The following KLHDC8A variants were observed in gnomAD, a reference collection of about 807,000 sequenced individuals.
The protein encoded by KLHDC8A is kelch domain-containing protein 8A.
Under a neutral mutation model 33.1 loss-of-function variants are expected in KLHDC8A, and 21 were observed. That is an observed-to-expected ratio of 0.64 (90% CI 0.45 to 0.91). The LOEUF (loss-of-function observed/expected upper bound fraction) is 0.91. Ranked by LOEUF, KLHDC8A falls within the 40% of genes least tolerant of loss-of-function variation. KLHDC8A has a pLI of 0.00. For synonymous variants in KLHDC8A, 173 were observed against 193.5 expected, an observed-to-expected ratio of 0.89 and a Z score of 0.88; for missense variants, 435 against 483.3, an observed-to-expected ratio of 0.90 and a Z score of 0.94.
chr1:205,351,484 G>C, intron 1 of KLHDC8A: 2 of 778,024 alleles, frequency 2.6e-6, no homozygotes, highest in South Asian at 2.7e-5. Context: ...ATAAATAATG[G>C]CTGGTCAGCA....
chr1:205,344,691 G>C (rs1191171444), intron 1 of KLHDC8A, among the ~76,000 whole-genome samples: 2 of 152,162 alleles, frequency 1.3e-5, no homozygotes, highest in Non-Finnish European at 2.9e-5. Context: ...AACAACTTAT[G>C]TGGGTGTGAT....
rs547594383 is a variant in KLHDC8A, at chr1:205,339,389, C to T, written c.562G>A (p.Ala188Thr). Residue 188 changes from alanine (A) to threonine (T), a missense_variant, in exon 4 of 6, where the codon GCG becomes ACG. Coordinates refer to ENST00000367155, the MANE Select transcript of KLHDC8A (RefSeq NM_018203.3). The surrounding 1 kb of genome is among the most constrained non-coding windows in gnomAD (Gnocchi z 5.1). ...YVLGGRQSKY[A>T]VNAFEVFDIE... The stretch of plus-strand genomic sequence containing the variant: ...TCAAAGACCTCGAAAGCGTTGACCG[C>T]GTACTTGGACTGTCGTCCCCCTGGG... 1.4e-5 allele frequency: 22 copies of T among 1,613,798 alleles called. No individual in the cohort carries two copies. The African/African-American group carries it at 1.7e-4, about 13-fold the overall frequency.
chr1:205,345,944 C>G (rs888899894), intron 1 of KLHDC8A, among the ~76,000 whole-genome samples: 3 of 152,138 alleles, frequency 2.0e-5, no homozygotes, highest in African/African-American at 7.2e-5. Context: ...TGCCGTGATG[C>G]ATGCCTGTAA....
Position 205,337,368 on chromosome 1 carries a change from TC to T in KLHDC8A, c.*30del. ...TCATGTTAAGAGTGAAGTGATATGG[TC>T]CAGGGCAAAGGTACTGAGCCCAGAG... On this transcript the variant is annotated 3_prime_UTR_variant, in exon 6 of 6. Coordinates refer to ENST00000367155, the MANE Select transcript of KLHDC8A (RefSeq NM_018203.3). The T allele has an allele frequency of 6.4e-7, 1 of 1,553,878 alleles. No homozygotes were observed. The highest frequency in any genetic ancestry group is 8.9e-7 in the Non-Finnish European group (1 of 1,127,146).
At chr1:205,341,720 G>T (rs1047701659) in intron 2 of KLHDC8A, among the ~76,000 whole-genome samples, 1 of 151,764 alleles carries the variant, frequency 6.6e-6, no homozygotes. Context: ...GCGCGATCTC[G>T]GCTCACTGCA....
intron 1 of KLHDC8A, among the ~76,000 whole-genome samples, chr1:205,345,341 A>G (rs932131183): frequency 7.9e-5 from 12 of 152,238 alleles, no homozygotes; most frequent in African/African-American, 2.9e-4. Context: ...TGCAGCTGTA[A>G]GAAAAAATAC....
rs1662836889 is a variant in KLHDC8A at position 205,343,230 on chromosome 1, T to C, written c.375A>G (p.Lys125=). 2.5e-6 allele frequency: 4 copies of C among 1,583,650 alleles called. No homozygotes were observed. The highest frequency in any genetic ancestry group is 2.6e-6 in the Non-Finnish European group (3 of 1,160,006). The change falls in exon 2 of 6, where the codon AAA becomes AAG. Residue 125 remains lysine, a splice_region_variant and synonymous_variant. Coordinates refer to ENST00000367155, the MANE Select transcript of KLHDC8A (RefSeq NM_018203.3). ...GCCCTCAGCCCTGGCCCCACTTGCC[T>C]TTGGCCGTGACAGAAATGCCCATGG... ...EAAMGISVTA[K]DYRVYAAGGM...
Position 205,347,136 on chromosome 1 carries a change from C to G in KLHDC8A, c.-189-3343G>C. On this transcript the variant is annotated intron_variant, in intron 1 of 5. Coordinates refer to ENST00000367155, the MANE Select transcript of KLHDC8A (RefSeq NM_018203.3). ...CTCTCCGCCAGGTAACATCCTTTAG[C>G]GCTTACACTGAGTGCACATCGAGGA... Among the ~76,000 whole-genome samples the G allele has an allele frequency of 1.3e-5, 2 of 152,202 alleles. 1 individual carries two copies. Among genetic ancestry groups the G allele is most frequent in the Non-Finnish European group, 2.9e-5 (2 of 68,038 alleles).
At position 205,337,299 on chromosome 1, in the gene KLHDC8A, G is replaced by T; in HGVS notation, c.*100C>A. The T allele has an allele frequency of 2.0e-6, 2 of 986,468 alleles. No individual in the cohort carries two copies. Among genetic ancestry groups the T allele is most frequent in the South Asian group, 1.4e-5 (1 of 70,370 alleles). 61.1% of individuals were successfully genotyped at this position (986,468 alleles called of 1,614,324 possible). A position where few individuals can be genotyped will look rare whatever the true frequency, so the allele number is the denominator to read the frequency against. On this transcript the variant is annotated 3_prime_UTR_variant, in exon 6 of 6. Transcript: ENST00000367155. ...ACTCCACTGGTTGCTAACAGGAGCT[G>T]ACATTCTTGGAAGTAGCCCCGACTG...
intron 2 of KLHDC8A, among the ~76,000 whole-genome samples, chr1:205,342,034 A>G (rs1220116659): frequency 6.6e-6 from 1 of 152,232 alleles, no homozygotes. Context: ...CCTGGCACAC[A>G]GGCATGTAAA....
At chr1:205,350,022 A>G (rs1408411868) in intron 1 of KLHDC8A, among the ~76,000 whole-genome samples, 1 of 152,156 alleles carries the variant, frequency 6.6e-6, no homozygotes. Flanking sequence ...GGGGAGCCCT[A>G]GAGAAAGAAG....
chr1:205,340,767 G>A (rs936380212), intron 2 of KLHDC8A, among the ~76,000 whole-genome samples: 51 of 152,182 alleles, frequency 3.4e-4, no homozygotes, highest in African/African-American at 1.1e-3. Flanking sequence ...GAGCCACCAC[G>A]CCTGGCTTCA....
chr1:205,343,165 T>C (rs1165985340), intron 2 of KLHDC8A, 64 bp downstream of exon 2: 3 of 1,523,712 alleles, frequency 2.0e-6, no homozygotes, highest in African/African-American at 1.4e-5. Flanking sequence ...TTGGTTTCCA[T>C]CTGTTTCCCT....
chr1:205,350,837 G>A (rs1663081598), intron 1 of KLHDC8A, among the ~76,000 whole-genome samples: 1 of 152,004 alleles, frequency 6.6e-6, no homozygotes, highest in Admixed American at 6.6e-5. Context: ...GCATGTGTGT[G>A]CGCGCACGCA....
chr1:205,353,728 G>A (rs1663186640), intron 1 of KLHDC8A, among the ~76,000 whole-genome samples: 1 of 152,064 alleles, frequency 6.6e-6, no homozygotes, highest in African/African-American at 2.4e-5. Flanking sequence ...TCACACCACC[G>A]TGGCAATGTT....
At chr1:205,344,463 A>C (rs1157680302) in intron 1 of KLHDC8A, 2 of 152,322 alleles carry the variant, frequency 1.3e-5, no homozygotes, top group Non-Finnish European at 2.9e-5. Flanking sequence ...CCTTGTCTAC[A>C]GGGGGTCAAG....
chr1:205,343,188 C>A, intron 2 of KLHDC8A, 41 bp downstream of exon 2: 1 of 1,539,284 alleles, frequency 6.5e-7, no homozygotes, highest in Non-Finnish European at 8.8e-7. Context: ...TGGCCCCCCA[C>A]TTCCTTCTCT....
chr1:205,344,556 G>C (rs1339638037), intron 1 of KLHDC8A: 1 of 152,290 alleles, frequency 6.6e-6, no homozygotes, highest in Non-Finnish European at 1.5e-5. Context: ...TGTTTGTTTT[G>C]GATGAAGAGG....
chr1:205,352,253 G>C (rs540489035), intron 1 of KLHDC8A, among the ~76,000 whole-genome samples: 3 of 152,174 alleles, frequency 2.0e-5, no homozygotes, highest in Admixed American at 6.5e-5. Context: ...TGCCAGAGAG[G>C]GAGGTCCCGC....
Sources: allele counts gnomAD v4.1 joint callset (sites outside exome capture counted in the v4.1 genomes callset), GRCh38; gene constraint gnomAD v4.1.1; non-coding constraint Gnocchi (gnomAD v3.1); transcripts MANE v1.5; gene names NCBI Gene and HGNC (gene_info 2026-07-23, HGNC 2026-07-21).